The following CHCHD3 variants were observed in gnomAD, a reference collection of about 807,000 sequenced individuals.
CHCHD3 encodes MICOS complex subunit MIC19.
CHCHD3 carries 20 observed loss-of-function variants against 38.2 expected under a neutral mutation model. The ratio of observed to expected loss-of-function variants is 0.52; its 90% CI spans 0.37 to 0.76. CHCHD3 has a LOEUF of 0.76. CHCHD3 is among the 30% of genes least tolerant of loss of function. The pLI is 0.00. For missense variants in CHCHD3, 245 were observed against 279.2 expected, an observed-to-expected ratio of 0.88 and a Z score of 0.87; for synonymous variants, 82 against 100.0, an observed-to-expected ratio of 0.82 and a Z score of 1.07.
At chr7:132,986,355 T>G (rs28665733) in intron 3 of CHCHD3, among the ~76,000 whole-genome samples, 2,322 of 142,198 alleles carry the variant, frequency 0.016, 67 homozygotes, top group African/African-American at 0.058. Context: ...CCTGTGACCC[T>G]GCCAAATCCC....
chr7:133,063,525 A>G (rs991472695), intron 2 of CHCHD3, among the ~76,000 whole-genome samples: 1 of 152,146 alleles, frequency 6.6e-6, no homozygotes, highest in Non-Finnish European at 1.5e-5. Flanking sequence ...TTCTTTCTGC[A>G]ATAGGGCCAA....
At chr7:132,915,035 G>A (rs183858702) in intron 4 of CHCHD3, among the ~76,000 whole-genome samples, 55 of 151,594 alleles carry the variant, frequency 3.6e-4, no homozygotes, top group Middle Eastern at 3.4e-3. Context: ...GGTGGCAGGC[G>A]CCTGTAGTCC....
intron 1 of CHCHD3, among the ~76,000 whole-genome samples, chr7:133,078,728 T>A (rs749987646): frequency 9.9e-5 from 15 of 152,224 alleles, no homozygotes; most frequent in Non-Finnish European, 1.9e-4. Flanking sequence ...TGTACTATCT[T>A]TAACAGTGTA....
At chr7:132,930,935 T>C (rs1403478925) in intron 4 of CHCHD3, among the ~76,000 whole-genome samples, 1 of 152,216 alleles carries the variant, frequency 6.6e-6, no homozygotes, top group Non-Finnish European at 1.5e-5. Flanking sequence ...GGGCCTGAAT[T>C]ACTCAGCCCT....
chr7:132,922,491 A>G (rs1049402587), intron 4 of CHCHD3, among the ~76,000 whole-genome samples: 1 of 152,072 alleles, frequency 6.6e-6, no homozygotes, highest in African/African-American at 2.4e-5. Context: ...GGCCAGGTCC[A>G]TTCCCATATT....
In CHCHD3 at chr7:132,870,446, G is replaced by A. The variant is rs113970917; in HGVS notation, c.453+15216C>T. ...TACTCTATTCTAGGGCTTTCTCCCC[G>A]CAACAAGCTACCTCAAACAGCTGTA... On this transcript the variant is annotated intron_variant, in intron 5 of 7. Coordinates refer to ENST00000262570, the MANE Select transcript of CHCHD3 (RefSeq NM_017812.4). Among the ~76,000 whole-genome samples the A allele has an allele frequency of 3.9e-3, 596 of 151,086 alleles. 7 individuals carry two copies. The highest frequency in any genetic ancestry group is 0.013 in the African/African-American group (552 of 41,112).
intron 5 of CHCHD3, among the ~76,000 whole-genome samples, chr7:132,851,521 T>C (rs1287271616): frequency 6.6e-6 from 1 of 152,246 alleles, no homozygotes; most frequent in Admixed American, 6.5e-5. Context: ...ACTCACCTTT[T>C]GGACTTCTAT....
At position 132,850,457 on chromosome 7, in the gene CHCHD3, T is replaced by G. The variant is rs796758960; in HGVS notation, c.454-11988A>C. On this transcript the variant is annotated intron_variant, in intron 5 of 7. Coordinates refer to ENST00000262570, the MANE Select transcript of CHCHD3 (RefSeq NM_017812.4). ...TCTCAGGTTTTTTTTTTTGTTTTTT[T>G]TTTTTTTCTTGATTTGGTTTTCTAA... Among the ~76,000 whole-genome samples the G allele has an allele frequency of 1.4e-4, 21 of 151,612 alleles. No homozygotes were observed. In the South Asian group the frequency reaches 2.5e-3, roughly 18 times the overall value.
At position 133,081,988 on chromosome 7, in the gene CHCHD3, CG is replaced by C. The variant is rs1562957069; in HGVS notation, c.-52del. The stretch of plus-strand genomic sequence containing the variant: ...ACCTAGCGGGGAACCACGAGCACTT[CG>C]GGGCCCCCGCACCCACACGCGCGTG... On this transcript the variant is annotated 5_prime_UTR_variant, in exon 1 of 8. Transcript: ENST00000262570. 1 of 1,467,820 alleles carries C rather than the reference CG, an allele frequency of 6.8e-7. No individual in the cohort carries two copies. Among genetic ancestry groups the C allele is most frequent in the African/African-American group, 1.4e-5 (1 of 70,494 alleles). The allele number at this position is 1,467,820 out of a possible 1,614,324, so 90.9% of individuals were successfully genotyped here.
chr7:133,054,885 A>ACT (rs1814271632), intron 2 of CHCHD3, among the ~76,000 whole-genome samples: 1 of 152,158 alleles, frequency 6.6e-6, no homozygotes, highest in Admixed American at 6.6e-5. Context: ...TTCCATTGTC[A>ACT]AGTGTTTCTT....
intron 3 of CHCHD3, among the ~76,000 whole-genome samples, chr7:133,017,278 G>A (rs1392548657): frequency 6.6e-6 from 1 of 152,166 alleles, no homozygotes; most frequent in Admixed American, 6.5e-5. Flanking sequence ...ACTAGGTAGA[G>A]CAATGCGGCA....
chr7:132,902,195 T>C (rs983676041), intron 4 of CHCHD3, among the ~76,000 whole-genome samples: 39 of 152,038 alleles, frequency 2.6e-4, no homozygotes, highest in African/African-American at 8.9e-4. Flanking sequence ...TAGGGAGAAA[T>C]AGGAACACTT....
intron 6 of CHCHD3, among the ~76,000 whole-genome samples, chr7:132,813,033 G>A (rs555860790): frequency 1.3e-5 from 2 of 152,154 alleles, no homozygotes; most frequent in South Asian, 4.2e-4. Flanking sequence ...TTTCACAATT[G>A]CCATTGTCAA....
intron 4 of CHCHD3, among the ~76,000 whole-genome samples, chr7:132,936,950 A>G (rs1810646701): frequency 1.3e-5 from 2 of 152,180 alleles, no homozygotes; most frequent in Admixed American, 1.3e-4. Flanking sequence ...AGAGTTACTG[A>G]TGTTATTTGT....
At chr7:132,963,170 A>T (rs1811362808) in intron 4 of CHCHD3, among the ~76,000 whole-genome samples, 2 of 149,078 alleles carry the variant, frequency 1.3e-5, no homozygotes, top group Non-Finnish European at 3.0e-5. Context: ...ATATATATAT[A>T]ATATATGTAG....
intron 7 of CHCHD3, among the ~76,000 whole-genome samples, chr7:132,792,272 T>G (rs1033963159): frequency 3.9e-5 from 6 of 152,186 alleles, no homozygotes; most frequent in Non-Finnish European, 8.8e-5. Context: ...GGAGGGAGCC[T>G]GCATTTTCTA....
intron 3 of CHCHD3, among the ~76,000 whole-genome samples, chr7:133,015,321 C>T (rs780810334): frequency 7.3e-5 from 11 of 149,864 alleles, no homozygotes; most frequent in African/African-American, 9.8e-5. Context: ...CCAACCTGGG[C>T]GACAGAGCCA....
intron 5 of CHCHD3, among the ~76,000 whole-genome samples, chr7:132,875,017 G>A (rs914975290): frequency 6.6e-6 from 1 of 151,872 alleles, no homozygotes; most frequent in South Asian, 2.1e-4. Flanking sequence ...GAAATTCTAC[G>A]GCTACTCTAC....
chr7:132,887,697 A>G (rs571576736), intron 4 of CHCHD3, among the ~76,000 whole-genome samples: 1 of 151,924 alleles, frequency 6.6e-6, no homozygotes, highest in East Asian at 1.9e-4. Flanking sequence ...AACACATGAG[A>G]AAAACCCAAC....
Sources: allele counts gnomAD v4.1 joint callset (sites outside exome capture counted in the v4.1 genomes callset), GRCh38; gene constraint gnomAD v4.1.1; transcripts MANE v1.5; gene names NCBI Gene and HGNC (gene_info 2026-07-23, HGNC 2026-07-21).